ADPRHL1: variants seen among roughly 807,000 people sequenced by gnomAD.
The protein encoded by ADPRHL1 is inactive ADP-ribosyltransferase ARH2.
Under a neutral mutation model 44.1 loss-of-function variants are expected in ADPRHL1, and 43 were observed. The observed-to-expected ratio is 0.98, with a 90% CI of 0.76 to 1.26. ADPRHL1 has a LOEUF of 1.26. ADPRHL1 is among the 50% of genes most tolerant of loss of function. The pLI, the probability that ADPRHL1 is intolerant of heterozygous loss-of-function variation, is 0.00. For missense variants in ADPRHL1, 2,022 were observed against 2,496.9 expected, an observed-to-expected ratio of 0.81 and a Z score of 4.05; for synonymous variants, 878 against 1,017.4, an observed-to-expected ratio of 0.86 and a Z score of 2.61.
At position 113,428,977 on chromosome 13, in the gene ADPRHL1, G is replaced by A. The variant is rs2043987158; in HGVS notation, c.621C>T (p.Cys207=). The change falls in exon 4 of 8, where the codon TGC becomes TGT. Residue 207 remains cysteine, a synonymous_variant. Coordinates refer to ENST00000612156, the MANE Select transcript of ADPRHL1 (RefSeq NM_001394807.1). ...LRAVPLAEEY[C]RKTIRHTAEY... ...CTGCCGTGTGCCGGATGGTCTTCCT[G>A]CAGTACTCTTCTGCCAGAGGCACCG... The A allele has an allele frequency of 6.2e-7, 1 of 1,612,642 alleles. No individual in the cohort carries two copies. Among genetic ancestry groups the A allele is most frequent in the African/African-American group, 1.3e-5 (1 of 74,948 alleles).
intron 2 of ADPRHL1, among the ~76,000 whole-genome samples, chr13:113,444,223 G>T (rs998652439): frequency 6.6e-6 from 1 of 152,054 alleles, no homozygotes; most frequent in Non-Finnish European, 1.5e-5. Context: ...GACCAGGAGG[G>T]GCCCCTGCCC....
rs765649326 is a variant in ADPRHL1, at chr13:113,425,159, A to C, written c.667T>G (p.Tyr223Asp). The C allele has an allele frequency of 6.2e-7, 1 of 1,613,136 alleles. No homozygotes were observed. The highest frequency in any genetic ancestry group is 8.5e-7 in the Non-Finnish European group (1 of 1,179,912). The change falls in exon 5 of 8, where the codon TAC (tyrosine) becomes GAC (aspartate). Residue 223 changes from tyrosine to aspartate, a missense_variant. Physicochemically the swap from Tyr to Asp is radical, Grantham distance 160 (BLOSUM62 -3). Around this residue, in one of 8 missense-constraint regions of ADPRHL1, gnomAD observed 437 missense variants for 430.7 expected, o/e 1.01. Transcript: ENST00000612156. ...HTAEYQEHWF[Y>D]FEAKWQFYLE... is the part of the protein sequence containing the mutation. ...TAAAATTGCCATTTAGCTTCAAAGT[A>C]AAACCAGTGCTCCTGGTATTCTAAA...
intron 7 of ADPRHL1, among the ~76,000 whole-genome samples, chr13:113,415,578 G>A (rs569473526): frequency 6.6e-6 from 1 of 152,014 alleles, no homozygotes; most frequent in Admixed American, 6.6e-5. Flanking sequence ...GGGTGAAACC[G>A]CAACTCTACT....
intron 7 of ADPRHL1, among the ~76,000 whole-genome samples, chr13:113,414,641 T>C (rs539978117): frequency 1.3e-5 from 2 of 151,798 alleles, no homozygotes; most frequent in African/African-American, 2.4e-5. Flanking sequence ...CCTCTGCACA[T>C]CTCCCTGAGT....
chr13:113,406,421 C>A lies in ADPRHL1; in HGVS notation c.2861G>T (p.Gly954Val). Reference sequence around the variant, plus strand: ...AAAGCTGCCTTTGTTTTCCTTCCCGCCAGCAGGATCTGTCTGGAGTCTCTG... The same window carrying A: ...AAAGCTGCCTTTGTTTTCCTTCCCGACAGCAGGATCTGTCTGGAGTCTCTG... Reference protein sequence around the residue: ...LTQRLQTDPAGGKENKGSFEN... With the variant: ...LTQRLQTDPAVGKENKGSFEN... Residue 954 changes from glycine to valine, a missense_variant, in exon 8 of 8, where the codon GGC becomes GTC. Around this residue, in one of 8 missense-constraint regions of ADPRHL1, gnomAD observed 1,221 missense variants for 1,517.8 expected, o/e 0.80. Transcript: ENST00000612156. 1 of 1,232,084 alleles carries A rather than the reference C, an allele frequency of 8.1e-7. No homozygotes were observed. Among genetic ancestry groups the A allele is most frequent in the East Asian group, 3.2e-5 (1 of 31,712 alleles). 76.3% of individuals were successfully genotyped at this position (1,232,084 alleles called of 1,614,324 possible).
Position 113,424,292 on chromosome 13 carries a change from T to C in ADPRHL1, c.832A>G (p.Met278Val), listed in dbSNP as rs1406284810. ...GCAAGGAGGGCGTCATAGGCTATCA[T>C]GGGGGCATCGTGGCCTCGTCTTCCC... is the stretch of plus-strand genomic sequence containing the variant. ...RGGRRGHDAP[M>V]IAYDALLAAG... The change falls in exon 6 of 8, where the codon ATG becomes GTG. Residue 278 changes from methionine (M) to valine (V), a missense_variant. Coordinates refer to ENST00000612156, the MANE Select transcript of ADPRHL1 (RefSeq NM_001394807.1). 21 of 1,612,786 alleles carry C rather than the reference T, an allele frequency of 1.3e-5. No homozygotes were observed. Among genetic ancestry groups the C allele is most frequent in the Non-Finnish European group, 1.8e-5 (21 of 1,179,926 alleles).
chr13:113,423,119 C>T (rs1166348150), intron 6 of ADPRHL1, 140 bp from the exon 7 acceptor site: 10 of 1,173,912 alleles, frequency 8.5e-6, no homozygotes, highest in South Asian at 4.7e-5. Flanking sequence ...CAGGCCAGCG[C>T]GGTGGCTCAC....
chr13:113,405,952 G>A lies in ADPRHL1; in HGVS notation c.3330C>T (p.Ala1110=), dbSNP rs1335604583. 2.4e-6 allele frequency: 3 copies of A among 1,231,976 alleles called. No homozygotes were observed. Among genetic ancestry groups the A allele is most frequent in the Non-Finnish European group, 2.0e-6 (2 of 988,056 alleles). The allele number at this position is 1,231,976 out of a possible 1,614,324, so 76.3% of individuals were successfully genotyped here. A position where few individuals can be genotyped will look rare whatever the true frequency, so the allele number is the denominator to read the frequency against. ...TCCCTGCAGCTGCCATCGCCCCACAGGCTTTCATACCTGGTTTGGGTGGTT... is the reference window on the plus strand; with the variant it reads ...TCCCTGCAGCTGCCATCGCCCCACAAGCTTTCATACCTGGTTTGGGTGGTT... ...LNEPPKPGMK[A]CGAMAAAGSV... The change falls in exon 8 of 8, where the codon GCC becomes GCT. Residue 1110 remains alanine, a synonymous_variant. Coordinates refer to ENST00000612156, the MANE Select transcript of ADPRHL1 (RefSeq NM_001394807.1).
chr13:113,435,277 CAT>C (rs1158085950), intron 2 of ADPRHL1, among the ~76,000 whole-genome samples: 3 of 56,554 alleles, frequency 5.3e-5, no homozygotes, highest in African/African-American at 1.5e-4. Context: ...GGCACCCACG[CAT>C]AGAGTGAACA....
rs2044094577 is a variant in ADPRHL1 at position 113,441,039 on chromosome 13, G to A, written c.379+3386C>T. On this transcript the variant is annotated intron_variant, in intron 2 of 7. Coordinates refer to ENST00000612156, the MANE Select transcript of ADPRHL1 (RefSeq NM_001394807.1). This position sits in a 1 kb window ranked among gnomAD's most constrained non-coding sequence, Gnocchi z 6.0. ...GTGGTGGTGGGCGCCCGTAGTCCCA[G>A]CTACTTGGGAGGTGGAGGCAGGAGA... Among the ~76,000 whole-genome samples the A allele has an allele frequency of 6.6e-6, 1 of 151,960 alleles. No individual in the cohort carries two copies. Among genetic ancestry groups the A allele is most frequent in the South Asian group, 2.1e-4 (1 of 4,808 alleles).
intron 7 of ADPRHL1, among the ~76,000 whole-genome samples, chr13:113,417,983 C>G (rs914522403): frequency 1.3e-5 from 2 of 152,174 alleles, no homozygotes; most frequent in Non-Finnish European, 2.9e-5. Context: ...ATACCCACAG[C>G]CAAAACAGGT....
intron 3 of ADPRHL1, among the ~76,000 whole-genome samples, chr13:113,431,791 C>G (rs1335969376): frequency 6.6e-6 from 1 of 152,264 alleles, no homozygotes; most frequent in East Asian, 1.9e-4. Context: ...TCTCAGCTCA[C>G]TGCAACCTCC....
Position 113,409,863 on chromosome 13 carries a change from T to C in ADPRHL1, c.1062-1643A>G, listed in dbSNP as rs968291412. ...GAGATCGCACCACTGCACTCCAGCC[T>C]GAGCGACAGAGCGAGACTCCGTCTC... On this transcript the variant is annotated intron_variant, in intron 7 of 7. Coordinates refer to ENST00000612156, the MANE Select transcript of ADPRHL1 (RefSeq NM_001394807.1). This position sits in a 1 kb window ranked among gnomAD's most constrained non-coding sequence, Gnocchi z 4.2. 105 of 908,652 alleles carry C rather than the reference T, an allele frequency of 1.2e-4. 1 individual carries two copies. The African/African-American group carries it at 2.2e-3, about 19-fold the overall frequency. The allele number at this position is 908,652 out of a possible 1,614,324, so 56.3% of individuals were successfully genotyped here. A position where few individuals can be genotyped will look rare whatever the true frequency, so the allele number is the denominator to read the frequency against.
intron 2 of ADPRHL1, among the ~76,000 whole-genome samples, chr13:113,437,722 T>C (rs2139641353): frequency 6.6e-6 from 1 of 152,354 alleles, no homozygotes; most frequent in African/African-American, 2.4e-5. Flanking sequence ...TTGGGCTGTG[T>C]CCAGTCTGGG....
Position 113,409,185 on chromosome 13 carries a change from T to G in ADPRHL1, c.1062-965A>C. On this transcript the variant is annotated intron_variant, in intron 7 of 7. Transcript: ENST00000612156. This position sits in a 1 kb window ranked among gnomAD's most constrained non-coding sequence, Gnocchi z 4.2. ...GGCTGGAGAGACAGGGTCTTTGTGA[T>G]TTGATGGTGTTTTCTGAGCCTGGGT... The G allele has an allele frequency of 5.4e-6, 3 of 559,608 alleles. No homozygotes were observed. Among genetic ancestry groups the G allele is most frequent in the Non-Finnish European group, 6.8e-6 (3 of 440,988 alleles). 34.7% of individuals were successfully genotyped at this position (559,608 alleles called of 1,614,324 possible).
chr13:113,431,489 T>C (rs9549790), intron 3 of ADPRHL1, among the ~76,000 whole-genome samples: 133,212 of 152,214 alleles, frequency 0.88, 58,911 homozygotes, highest in Non-Finnish European at 0.94. Context: ...GTCCTGACCC[T>C]GCCTACGGCT....
chr13:113,404,360 T>G lies in ADPRHL1; in HGVS notation c.4922A>C (p.Gln1641Pro), dbSNP rs1319006852. Residue 1641 changes from glutamine (Q) to proline (P), a missense_variant, in exon 8 of 8, where the codon CAG (glutamine) becomes CCG (proline). Around this residue, in one of 8 missense-constraint regions of ADPRHL1, gnomAD observed 78 missense variants for 76.5 expected, o/e 1.02. Transcript: ENST00000612156. Reference sequence around the variant, plus strand: ...CTGAGCCCCTTTCTGGGCCTGACCCTGAACCCGTTCCTGAGCCCCTTTCTG... The same window carrying G: ...CTGAGCCCCTTTCTGGGCCTGACCCGGAACCCGTTCCTGAGCCCCTTTCTG... Reference protein sequence around the residue: ...QTQKGAQERVQGQAQKGAQER... With the variant: ...QTQKGAQERVPGQAQKGAQER... 2 of 1,322,398 alleles carry G rather than the reference T, an allele frequency of 1.5e-6. No homozygotes were observed. The highest frequency in any genetic ancestry group is 4.6e-5 in the South Asian group (2 of 43,522). The allele number at this position is 1,322,398 out of a possible 1,614,324, so 81.9% of individuals were successfully genotyped here.
intron 2 of ADPRHL1, among the ~76,000 whole-genome samples, chr13:113,442,586 C>G (rs979149983): frequency 6.6e-6 from 1 of 152,196 alleles, no homozygotes; most frequent in East Asian, 1.9e-4. Flanking sequence ...TGTTGCTTCT[C>G]TGTGTGTGAT....
chr13:113,444,302 C>G, intron 2 of ADPRHL1, 123 bp downstream of exon 2: 1 of 1,347,406 alleles, frequency 7.4e-7, no homozygotes, highest in Admixed American at 2.1e-5. Context: ...CAAAGGGACT[C>G]TAGGCAGATC....
Sources: allele counts gnomAD v4.1 joint callset (sites outside exome capture counted in the v4.1 genomes callset), GRCh38; gene constraint gnomAD v4.1.1; regional missense constraint gnomAD v4.1.1; non-coding constraint Gnocchi (gnomAD v3.1); transcripts MANE v1.5; gene names NCBI Gene and HGNC (gene_info 2026-07-23, HGNC 2026-07-21).